Variants in USP47 observed in about 807,000 individuals in gnomAD.
USP47 encodes the protein ubiquitin specific peptidase 47.
USP47 carries 35 observed loss-of-function variants against 165.1 expected under a neutral mutation model. The observed-to-expected ratio is 0.21, with a 90% CI of 0.16 to 0.28. The LOEUF (loss-of-function observed/expected upper bound fraction) is 0.28. USP47 is among the 10% of genes least tolerant of loss of function. USP47 has a pLI of 1.00. For synonymous variants in USP47, 531 were observed against 544.5 expected (o/e 0.98, Z 0.35); for missense variants, 1,277 against 1,607.4 (o/e 0.79, Z 3.52).
Position 11,881,228 on chromosome 11 carries a change from G to A in USP47, c.243+848G>A, listed in dbSNP as rs1316909569. ...TGAGACGTGCTGCTAGGTGTGATGTGTTTATACTTGTTCTGGGATTGGCTG... is the reference window on the plus strand; with the variant it reads ...TGAGACGTGCTGCTAGGTGTGATGTATTTATACTTGTTCTGGGATTGGCTG... On this transcript the variant is annotated intron_variant, in intron 2 of 27. Transcript: ENST00000527733. Among the ~76,000 whole-genome samples, 4 of 152,074 alleles carry A rather than the reference G, an allele frequency of 2.6e-5. No individual in the cohort carries two copies. In the East Asian group the frequency reaches 7.7e-4, roughly 29 times the overall value.
In USP47 at chr11:11,929,439, C is replaced by G. The variant is rs1371983410; in HGVS notation, c.1392C>G (p.Ser464=). The change falls in exon 12 of 28, where the codon TCC becomes TCG. Residue 464 remains serine (S), a synonymous_variant. Coordinates refer to ENST00000527733, the MANE Select transcript of USP47 (RefSeq NM_001282659.2). ...KISKSGLEKN[S]LIYELFSVMV... is the part of the protein sequence containing the mutation. ...CTTTTATTTTTTCCCCTTAGAATTC[C>G]TTGATCTATGAACTTTTCTCTGTTA... is the stretch of plus-strand genomic sequence containing the variant. 2 of 1,611,388 alleles carry G rather than the reference C, an allele frequency of 1.2e-6. No individual in the cohort carries two copies. Among genetic ancestry groups the G allele is most frequent in the Non-Finnish European group, 1.7e-6 (2 of 1,178,678 alleles).
In USP47 at chr11:11,942,864, G is replaced by A; in HGVS notation, c.2843G>A (p.Ser948Asn). 4 of 1,613,754 alleles carry A rather than the reference G, an allele frequency of 2.5e-6. No individual in the cohort carries two copies. Among genetic ancestry groups the A allele is most frequent in the Non-Finnish European group, 3.4e-6 (4 of 1,179,768 alleles). The change falls in exon 20 of 28, where the codon AGT becomes AAT. Residue 948 changes from serine (S) to asparagine (N), a missense_variant. Ser to Asn is a conservative substitution (Grantham distance 46, BLOSUM62 1). Around this residue, in one of 4 missense-constraint regions of USP47, gnomAD observed 909 missense variants for 1,068.1 expected, o/e 0.85. Coordinates refer to ENST00000527733, the MANE Select transcript of USP47 (RefSeq NM_001282659.2). ...GATATTCTTAGCTCCAGTCATAGCAGTGATACTTTGTGCAATGCAGACAAT... is the reference window on the plus strand; with the variant it reads ...GATATTCTTAGCTCCAGTCATAGCAATGATACTTTGTGCAATGCAGACAAT... ...DSDILSSSHS[S>N]DTLCNADNAQ...
At position 11,930,723 on chromosome 11, in the gene USP47, T is replaced by C; in HGVS notation, c.1623T>C (p.Tyr541=). ...CCACAAATGCATATATGCTGATCTA[T>C]AGACTGAAGGATCCAGCCAGAAATG... ...ASSTNAYMLI[Y]RLKDPARNAK... The change falls in exon 14 of 28, where the codon TAT becomes TAC. Residue 541 remains tyrosine (Y), a synonymous_variant. Coordinates refer to ENST00000527733, the MANE Select transcript of USP47 (RefSeq NM_001282659.2). 1 of 1,606,190 alleles carries C rather than the reference T, an allele frequency of 6.2e-7. No homozygotes were observed. Among genetic ancestry groups the C allele is most frequent in the Non-Finnish European group, 8.5e-7 (1 of 1,177,398 alleles).
intron 1 of USP47, among the ~76,000 whole-genome samples, chr11:11,845,366 A>G (rs114290917): frequency 0.02 from 3,023 of 152,158 alleles, 78 homozygotes; most frequent in African/African-American, 0.059. Flanking sequence ...ACATTTTTCC[A>G]TAAGTACCTC....
chr11:11,864,732 A>G (rs1364138344), intron 1 of USP47, among the ~76,000 whole-genome samples: 1 of 150,594 alleles, frequency 6.6e-6, no homozygotes, highest in Non-Finnish European at 1.5e-5. Context: ...TGTATATCAT[A>G]TTTATACATT....
Position 11,933,906 on chromosome 11 carries a change from T to C in USP47, c.1840T>C (p.Leu614=). The change falls in exon 16 of 28, where the codon TTA becomes CTA. Residue 614 remains leucine (L), a synonymous_variant. Transcript: ENST00000527733. Reference sequence around the variant, plus strand: ...ATTGGAGGTTCATAAGGATAAGACATTAAAGGAAGCAGTAGAAATGGCTTA... The same window carrying C: ...ATTGGAGGTTCATAAGGATAAGACACTAAAGGAAGCAGTAGAAATGGCTTA... ...NKLEVHKDKT[L]KEAVEMAYKM... The C allele has an allele frequency of 6.2e-7, 1 of 1,609,422 alleles. No homozygotes were observed. The highest frequency in any genetic ancestry group is 8.5e-7 in the Non-Finnish European group (1 of 1,176,984).
In USP47 at chr11:11,958,857, T is replaced by A. The variant is rs1242050776; in HGVS notation, c.*2682T>A. 6.6e-6 allele frequency: 1 copy of A among 152,118 alleles called. No individual in the cohort carries two copies. The highest frequency in any genetic ancestry group is 2.4e-5 in the African/African-American group (1 of 41,418). 9.4% of individuals were successfully genotyped at this position (152,118 alleles called of 1,614,324 possible). A position where few individuals can be genotyped will look rare whatever the true frequency, so the allele number is the denominator to read the frequency against. On this transcript the variant is annotated 3_prime_UTR_variant, in exon 28 of 28. Coordinates refer to ENST00000527733, the MANE Select transcript of USP47 (RefSeq NM_001282659.2). ...ACAGTGTGTGAAGCAGCCTTCACAC[T>A]AGAGTGTTTGGTCATCTCTTATAAT...
intron 12 of USP47, 24 bp downstream of exon 12, chr11:11,929,589 A>T (rs193050086): frequency 6.2e-7 from 1 of 1,606,526 alleles, no homozygotes; most frequent in East Asian, 2.2e-5. Flanking sequence ...CTTTAAGATT[A>T]TTACTCTGAA....
At chr11:11,851,336 G>C (rs1371593063) in intron 1 of USP47, among the ~76,000 whole-genome samples, 1 of 152,138 alleles carries the variant, frequency 6.6e-6, no homozygotes, top group Non-Finnish European at 1.5e-5. Flanking sequence ...TATCAGAAAG[G>C]GTTGAAGAGT....
intron 8 of USP47, among the ~76,000 whole-genome samples, chr11:11,913,682 C>T (rs1243768237): frequency 2.0e-5 from 3 of 151,894 alleles, no homozygotes; most frequent in East Asian, 3.9e-4. Context: ...TAGATAGAAT[C>T]AGTAAGTTCT....
chr11:11,871,040 C>T (rs995595277), intron 1 of USP47, among the ~76,000 whole-genome samples: 2 of 152,060 alleles, frequency 1.3e-5, no homozygotes, highest in Non-Finnish European at 2.9e-5. Context: ...TTCTTAGATG[C>T]AGATGGTTTA....
intron 14 of USP47, 71 bp downstream of exon 14, chr11:11,930,822 C>G: frequency 8.2e-7 from 1 of 1,215,486 alleles, no homozygotes. Context: ...TTTGCAAACC[C>G]AGATAACTAC....
rs551470511 is a variant in USP47 at position 11,914,180 on chromosome 11, G to A, written c.970-5976G>A. 3.3e-5 allele frequency among the ~76,000 whole-genome samples: 5 copies of A among 152,172 alleles called. No homozygotes were observed. In the East Asian group the frequency reaches 9.7e-4, roughly 29 times the overall value. ...CTTATTATATGGCTATAGTAATCAA[G>A]ACTATGTGATATTGGTAGAGGGGTA... On this transcript the variant is annotated intron_variant, in intron 8 of 27. Transcript: ENST00000527733.
At chr11:11,946,258 A>C (rs1855831653) in intron 20 of USP47, among the ~76,000 whole-genome samples, 2 of 152,236 alleles carry the variant, frequency 1.3e-5, no homozygotes, top group Non-Finnish European at 2.9e-5. Context: ...AAAGTTAAGA[A>C]GTCAGAGTCA....
At chr11:11,937,203 T>C (rs1258265179) in intron 17 of USP47, among the ~76,000 whole-genome samples, 1 of 151,940 alleles carries the variant, frequency 6.6e-6, no homozygotes, top group African/African-American at 2.4e-5. Context: ...ATAATTACCA[T>C]ATGTAAATTG....
intron 3 of USP47, among the ~76,000 whole-genome samples, chr11:11,888,704 A>C (rs936043856): frequency 2.0e-5 from 3 of 152,214 alleles, no homozygotes; most frequent in African/African-American, 4.8e-5. Context: ...TCTTTGTATG[A>C]GGCCAGCCTC....
intron 11 of USP47, among the ~76,000 whole-genome samples, chr11:11,923,623 C>T (rs1211218881): frequency 6.6e-6 from 1 of 152,062 alleles, no homozygotes; most frequent in Non-Finnish European, 1.5e-5. Flanking sequence ...GAATAATAAA[C>T]TCCTAATGTG....
At chr11:11,926,119 A>T (rs1854224292) in intron 11 of USP47, among the ~76,000 whole-genome samples, 1 of 152,184 alleles carries the variant, frequency 6.6e-6, no homozygotes, top group Non-Finnish European at 1.5e-5. Context: ...TTTATGCATG[A>T]ATATTCATCA....
chr11:11,848,499 A>G (rs1338218903), intron 1 of USP47, among the ~76,000 whole-genome samples: 1 of 152,072 alleles, frequency 6.6e-6, no homozygotes, highest in African/African-American at 2.4e-5. Context: ...ACATGACTAT[A>G]TTTACAAAAA....
Sources: allele counts gnomAD v4.1 joint callset (sites outside exome capture counted in the v4.1 genomes callset), GRCh38; gene constraint gnomAD v4.1.1; regional missense constraint gnomAD v4.1.1; transcripts MANE v1.5; gene names NCBI Gene and HGNC (gene_info 2026-07-23, HGNC 2026-07-21).